CD44: variants seen among roughly 807,000 people sequenced by gnomAD.
The protein encoded by CD44 is CD44 antigen.
A neutral mutation model predicts 88.8 loss-of-function variants in CD44; 49 were observed. The observed-to-expected ratio is 0.55, with a 90% CI of 0.44 to 0.70. The LOEUF (loss-of-function observed/expected upper bound fraction) is 0.70. CD44 is among the 30% of genes least tolerant of loss of function. The probability of loss-of-function intolerance (pLI) is 0.00; values close to 1 mark genes in which losing one functional copy is unlikely to be tolerated. For missense variants in CD44, 883 were observed against 913.8 expected (o/e 0.97, Z 0.43); for synonymous variants, 325 against 312.3 (o/e 1.04, Z -0.43).
At chr11:35,214,969 G>T in intron 15 of CD44, 55 bp downstream of exon 15, 7 of 1,081,374 alleles carry the variant, frequency 6.5e-6, no homozygotes, top group Non-Finnish European at 9.2e-6. Context: ...GCCTAATGAT[G>T]ACTACCAACG....
At chr11:35,170,305 C>A (rs1226004655) in intron 1 of CD44, among the ~76,000 whole-genome samples, 1 of 152,160 alleles carries the variant, frequency 6.6e-6, no homozygotes, top group Non-Finnish European at 1.5e-5. Flanking sequence ...AAGTTTGGCA[C>A]TACAGACCAG....
At chr11:35,171,236 G>A (rs555454019) in intron 1 of CD44, among the ~76,000 whole-genome samples, 27 of 152,316 alleles carry the variant, frequency 1.8e-4, no homozygotes, top group Non-Finnish European at 2.8e-4. Context: ...CCTTGAAAAT[G>A]TTGGCTCCTT....
chr11:35,176,807 C>A (rs1006831435), intron 2 of CD44, 67 bp downstream of exon 2: 3 of 1,457,744 alleles, frequency 2.1e-6, no homozygotes, highest in African/African-American at 2.8e-5. Flanking sequence ...GGGCTTAGAA[C>A]TGGAAGGCTC....
chr11:35,191,889 C>T lies in CD44; in HGVS notation c.667+1824C>T, dbSNP rs1014467690. ...CCAGGCCTATTAGAATGCTTGGGAT[C>T]GAAGGATAAACATAGTTAGGAAGTA... On this transcript the variant is annotated intron_variant, in intron 5 of 17. Transcript: ENST00000428726. Among the ~76,000 whole-genome samples, 14 of 152,016 alleles carry T rather than the reference C, an allele frequency of 9.2e-5. No homozygotes were observed. The East Asian group carries it at 2.3e-3, about 25-fold the overall frequency.
At chr11:35,170,692 T>G (rs2133522555) in intron 1 of CD44, among the ~76,000 whole-genome samples, 1 of 152,332 alleles carries the variant, frequency 6.6e-6, no homozygotes. Context: ...GAAAGGCTTG[T>G]TTGAGAGATG....
At chr11:35,229,105 A>T in intron 17 of CD44, 24 bp from the exon 18 acceptor site, 2 of 1,584,284 alleles carry the variant, frequency 1.3e-6, no homozygotes, top group Non-Finnish European at 1.7e-6. Flanking sequence ...TCTTTCTGAT[A>T]TGGTACATTT....
Position 35,214,903 on chromosome 11 carries a change from C to T in CD44, c.1862C>T (p.Ser621Phe). 6.4e-7 allele frequency: 1 copy of T among 1,557,382 alleles called. No individual in the cohort carries two copies. Among genetic ancestry groups the T allele is most frequent in the Non-Finnish European group, 8.7e-7 (1 of 1,152,174 alleles). Residue 621 changes from serine to phenylalanine, a missense_variant, in exon 15 of 18, where the codon TCT becomes TTT. This residue lies in a region of CD44 where 631 missense variants were observed against 590.9 expected (regional missense o/e 1.07). Transcript: ENST00000428726. ...PSGGSHTTHG[S>F]ESDGHSHGSQ... is the part of the protein sequence containing the mutation. ...GGGGGGTCCCATACCACTCATGGAT[C>T]TGAATCAGATGGTGAGTTCAAAACT...
chr11:35,167,910 A>G (rs1390242025), intron 1 of CD44, among the ~76,000 whole-genome samples: 2 of 152,236 alleles, frequency 1.3e-5, no homozygotes, highest in East Asian at 1.9e-4. Context: ...GGGGGCTACG[A>G]CTAGGTTTGG....
At chr11:35,201,025 G>A in intron 7 of CD44, 57 bp from the exon 8 acceptor site, 1 of 1,218,672 alleles carries the variant, frequency 8.2e-7, no homozygotes, top group Non-Finnish European at 1.2e-6. Context: ...TGCGGGACAA[G>A]TGGCGAAGGC....
At chr11:35,209,869 T>A (rs995631890) in intron 12 of CD44, 96 bp from the exon 13 acceptor site, 14 of 747,336 alleles carry the variant, frequency 1.9e-5, no homozygotes, top group Admixed American at 1.0e-4. Context: ...CACCTATCCA[T>A]CTGACTCTAC....
chr11:35,169,137 C>CG (rs1248390205), intron 1 of CD44, among the ~76,000 whole-genome samples: 1 of 151,954 alleles, frequency 6.6e-6, no homozygotes, highest in African/African-American at 2.4e-5. Context: ...TGCAGCCTGT[C>CG]GGGGGTTGGG....
Position 35,204,624 on chromosome 11 carries a change from G to A in CD44, c.1266G>A (p.Ser422=), listed in dbSNP as rs546397935. Residue 422 remains serine, a synonymous_variant, in exon 10 of 18, where the codon TCG becomes TCA. Coordinates refer to ENST00000428726, the MANE Select transcript of CD44 (RefSeq NM_000610.4). ...YRQTPKEDSH[S]TTGTAAASAH... ...AAACACCCAAAGAAGACTCCCATTC[G>A]ACAACAGGGACAGCTGGTAATGGAT... The A allele has an allele frequency of 3.6e-5, 58 of 1,613,092 alleles. No individual in the cohort carries two copies. In the Admixed American group the frequency reaches 5.2e-4, roughly 14 times the overall value.
intron 4 of CD44, 118 bp from the exon 5 acceptor site, chr11:35,189,717 A>G (rs1267664971): frequency 5.7e-6 from 4 of 707,728 alleles, no homozygotes; most frequent in Non-Finnish European, 1.0e-5. Flanking sequence ...CCACCACTGG[A>G]TAGATAGGTG....
chr11:35,188,228 C>T, intron 4 of CD44, among the ~76,000 whole-genome samples: 1 of 152,164 alleles, frequency 6.6e-6, no homozygotes, highest in Non-Finnish European at 1.5e-5. Context: ...AACCCAGCCC[C>T]ACATTGTTAT....
chr11:35,170,615 A>G (rs1270388551), intron 1 of CD44, among the ~76,000 whole-genome samples: 2 of 152,222 alleles, frequency 1.3e-5, no homozygotes, highest in Non-Finnish European at 2.9e-5. Flanking sequence ...TATTCATTAC[A>G]TGATGCAGGA....
intron 10 of CD44, chr11:35,205,907 C>A: frequency 8.2e-7 from 1 of 1,220,386 alleles, no homozygotes; most frequent in African/African-American, 1.6e-5. Flanking sequence ...AGTTCACATG[C>A]TGATTGCTAA....
At chr11:35,150,881 A>C (rs980730437) in intron 1 of CD44, among the ~76,000 whole-genome samples, 1 of 152,236 alleles carries the variant, frequency 6.6e-6, no homozygotes, top group African/African-American at 2.4e-5. Flanking sequence ...CAAACTGACC[A>C]ACTTAAAATT....
intron 1 of CD44, among the ~76,000 whole-genome samples, chr11:35,145,333 G>T (rs972026023): frequency 5.3e-5 from 8 of 152,166 alleles, no homozygotes; most frequent in Non-Finnish European, 1.0e-4. Context: ...ATGGAAGCAT[G>T]CTGTCAGTAT....
Position 35,221,671 on chromosome 11 carries a change from G to C in CD44, c.1963G>C (p.Ala655Pro), listed in dbSNP as rs61755294. 1.9e-6 allele frequency: 3 copies of C among 1,613,994 alleles called. No individual in the cohort carries two copies. The highest frequency in any genetic ancestry group is 2.5e-6 in the Non-Finnish European group (3 of 1,179,882). Residue 655 changes from alanine to proline, a missense_variant, in exon 17 of 18, where the codon GCA becomes CCA. This residue lies in a region of CD44 where 631 missense variants were observed against 590.9 expected (regional missense o/e 1.07). Transcript: ENST00000428726. ...PQIPEWLIIL[A>P]SLLALALILA... ...CATACCAGAATGGCTGATCATCTTG[G>C]CATCCCTCTTGGCCTTGGCTTTGAT...
Sources: gnomAD v4.1 joint callset for allele counts (sites outside exome capture counted in the v4.1 genomes callset) on GRCh38, gnomAD v4.1.1 for gene constraint, gnomAD v4.1.1 regional missense constraint, MANE v1.5 for transcripts, NCBI Gene and HGNC (gene_info 2026-07-23, HGNC 2026-07-21) for gene names.